The following PREX2 variants were observed in gnomAD, a reference collection of about 807,000 sequenced individuals.
PREX2 encodes phosphatidylinositol-3,4,5-trisphosphate dependent Rac exchange factor 2.
In PREX2, 107 loss-of-function variants were observed where a neutral mutation model predicts 203.2. The ratio of observed to expected loss-of-function variants is 0.53; its 90% confidence interval spans 0.45 to 0.62. The LOEUF is 0.62. Among genes scored for constraint, PREX2 ranks in the 20% least tolerant of loss-of-function variants. The pLI, the probability that PREX2 is intolerant of heterozygous loss-of-function variation, is 0.00. For synonymous variants in PREX2, 672 were observed against 663.6 expected, an observed-to-expected ratio of 1.01 and a Z score of -0.19; for missense variants, 1,777 against 1,955.9, an observed-to-expected ratio of 0.91 and a Z score of 1.72.
chr8:68,007,447 A>G (rs1049226964), intron 1 of PREX2, among the ~76,000 whole-genome samples: 3 of 152,220 alleles, frequency 2.0e-5, no homozygotes, highest in African/African-American at 4.8e-5. Context: ...ATAGCTTGCT[A>G]TGTGGGTGAT....
At chr8:68,089,159 G>A (rs963807472) in intron 19 of PREX2, among the ~76,000 whole-genome samples, 11 of 145,012 alleles carry the variant, frequency 7.6e-5, no homozygotes, top group Admixed American at 1.4e-4. Context: ...TCTAGCTACT[G>A]CACTTCAGCC....
intron 35 of PREX2, among the ~76,000 whole-genome samples, chr8:68,172,404 CT>C (rs1811895740): frequency 6.6e-6 from 1 of 152,190 alleles, no homozygotes; most frequent in Non-Finnish European, 1.5e-5. Flanking sequence ...AGGACAGCAC[CT>C]CGTGCCCGAG....
chr8:68,192,260 A>C (rs1563581234), intron 36 of PREX2, 75 bp from the exon 37 acceptor site: 1 of 1,147,204 alleles, frequency 8.7e-7, no homozygotes, highest in Non-Finnish European at 1.2e-6. Context: ...ACTATTCTTT[A>C]ACAGCTATAC....
chr8:68,166,035 G>A lies in PREX2; in HGVS notation c.4346+8599G>A, dbSNP rs115822841. Among the ~76,000 whole-genome samples, 986 of 152,300 alleles carry A rather than the reference G, an allele frequency of 6.5e-3. 8 individuals are homozygous for A. Among genetic ancestry groups the A allele is most frequent in the African/African-American group, 0.023 (942 of 41,574 alleles). On this transcript the variant is annotated intron_variant, in intron 35 of 39. Coordinates refer to ENST00000288368, the MANE Select transcript of PREX2 (RefSeq NM_024870.4). ...CTTACCCAAACCTCTGCTATAGACA[G>A]GGGCAGGAAAACTTTGACCTGAAGA...
intron 1 of PREX2, among the ~76,000 whole-genome samples, chr8:68,015,377 A>G (rs1807383011): frequency 6.6e-6 from 1 of 152,332 alleles, no homozygotes; most frequent in Middle Eastern, 3.4e-3. Context: ...AATGCTAACA[A>G]GTTCCAGATT....
intron 1 of PREX2, among the ~76,000 whole-genome samples, chr8:67,976,953 T>G (rs2129609068): frequency 6.6e-6 from 1 of 152,350 alleles, no homozygotes; most frequent in South Asian, 2.1e-4. Flanking sequence ...TGAACACTTC[T>G]CAAATTCTTA....
intron 25 of PREX2, among the ~76,000 whole-genome samples, chr8:68,115,012 C>G (rs375318941): frequency 2.2e-4 from 28 of 127,172 alleles, no homozygotes; most frequent in Admixed American, 4.8e-4. Context: ...TCTTTCTTTT[C>G]TTTTCTTTCT....
At chr8:68,095,715 C>A (rs970217955) in intron 21 of PREX2, among the ~76,000 whole-genome samples, 2 of 150,798 alleles carry the variant, frequency 1.3e-5, no homozygotes, top group South Asian at 2.1e-4. Flanking sequence ...TAGTTTACTG[C>A]AACCTCTAAT....
rs939569579 is a variant in PREX2 at position 67,997,474 on chromosome 8, T to C, written c.142-20372T>C. Among the ~76,000 whole-genome samples, 6 of 152,224 alleles carry C rather than the reference T, an allele frequency of 3.9e-5. No individual in the cohort carries two copies. The East Asian group carries it at 1.2e-3, about 29-fold the overall frequency. On this transcript the variant is annotated intron_variant, in intron 1 of 39. Transcript: ENST00000288368. ...AGGGATAAAGGGGGACTACTGTATT[T>C]GTCCATTTTATGCTCATTCTATTTG...
At position 68,010,240 on chromosome 8, in the gene PREX2, A is replaced by T. The variant is rs141990203; in HGVS notation, c.142-7606A>T. Among the ~76,000 whole-genome samples, 301 of 152,346 alleles carry T rather than the reference A, an allele frequency of 2.0e-3. 1 individual carries two copies. Among genetic ancestry groups the T allele is most frequent in the Non-Finnish European group, 3.8e-3 (258 of 68,038 alleles). On this transcript the variant is annotated intron_variant, in intron 1 of 39. Coordinates refer to ENST00000288368, the MANE Select transcript of PREX2 (RefSeq NM_024870.4). ...TAGCCTGGGATCCTGAGCAGAAAAG[A>T]TCCACTACATTGTGGAAGATCCAAT...
chr8:67,970,704 AT>A (rs1462861294), intron 1 of PREX2, among the ~76,000 whole-genome samples: 2 of 152,076 alleles, frequency 1.3e-5, no homozygotes, highest in African/African-American at 2.4e-5. Context: ...GGAGAAAATC[AT>A]TTTCCTCTTC....
chr8:68,105,594 C>A lies in PREX2; in HGVS notation c.2716-2515C>A, dbSNP rs142932043. ...AGCTTGTACCAAAATTTCTAACTATCTGGCTTTTACGTGCATTATATAATT... is the reference window on the plus strand; with the variant it reads ...AGCTTGTACCAAAATTTCTAACTATATGGCTTTTACGTGCATTATATAATT... On this transcript the variant is annotated intron_variant, in intron 23 of 39. Coordinates refer to ENST00000288368, the MANE Select transcript of PREX2 (RefSeq NM_024870.4). The A allele has an allele frequency of 2.0e-4, 214 of 1,090,882 alleles. 1 individual carries two copies. The African/African-American group carries it at 3.3e-3, about 17-fold the overall frequency. 67.6% of individuals were successfully genotyped at this position (1,090,882 alleles called of 1,614,324 possible).
At chr8:68,032,608 G>T (rs1199376380) in intron 6 of PREX2, among the ~76,000 whole-genome samples, 1 of 152,108 alleles carries the variant, frequency 6.6e-6, no homozygotes, top group Non-Finnish European at 1.5e-5. Context: ...GTCCCTTCTG[G>T]GGAGTTCAGG....
In PREX2 at chr8:68,119,547, A is replaced by G. The variant is rs1190498421; in HGVS notation, c.3504+33A>G. 3 of 1,500,978 alleles carry G rather than the reference A, an allele frequency of 2.0e-6. No individual in the cohort carries two copies. In the South Asian group the frequency reaches 3.4e-5, roughly 17 times the overall value. 93.0% of individuals were successfully genotyped at this position (1,500,978 alleles called of 1,614,324 possible). ...CGGGCATTTGTGGGGCTTTTGTTCC[A>G]CAACTAAACTGTGAGGAGTCCCTTT... On this transcript the variant is annotated intron_variant, in intron 28 of 39. Transcript: ENST00000288368.
chr8:68,011,452 A>G (rs1243243722), intron 1 of PREX2, among the ~76,000 whole-genome samples: 1 of 152,042 alleles, frequency 6.6e-6, no homozygotes, highest in African/African-American at 2.4e-5. Flanking sequence ...CAACATTACT[A>G]TTAGAATACA....
chr8:68,123,500 A>G (rs1336429103), intron 30 of PREX2, among the ~76,000 whole-genome samples: 1 of 152,072 alleles, frequency 6.6e-6, no homozygotes, highest in South Asian at 2.1e-4. Context: ...CTGGGCTAGT[A>G]AAGAAGAAAA....
chr8:67,960,123 C>T (rs76497114), intron 1 of PREX2, among the ~76,000 whole-genome samples: 5,078 of 152,142 alleles, frequency 0.033, 123 homozygotes, highest in Admixed American at 0.057. Flanking sequence ...TCACTGCAAC[C>T]TTCCCTCTTC....
chr8:68,096,808 G>C (rs1319253641), intron 21 of PREX2, among the ~76,000 whole-genome samples: 3 of 152,270 alleles, frequency 2.0e-5, no homozygotes, highest in Admixed American at 2.0e-4. Context: ...AGTCATGTTA[G>C]AGTGCTGAGG....
At chr8:67,994,049 A>G (rs1806689695) in intron 1 of PREX2, among the ~76,000 whole-genome samples, 2 of 152,214 alleles carry the variant, frequency 1.3e-5, no homozygotes, top group South Asian at 4.1e-4. Context: ...TAATATTTTA[A>G]AAAGTAAATT....
Sources: gnomAD v4.1 joint callset for allele counts (sites outside exome capture counted in the v4.1 genomes callset) on GRCh38, gnomAD v4.1.1 for gene constraint, MANE v1.5 for transcripts, NCBI Gene and HGNC (gene_info 2026-07-23, HGNC 2026-07-21) for gene names.